GPM6A: variants seen among roughly 807,000 people sequenced by gnomAD.
GPM6A encodes the protein neuronal membrane glycoprotein M6-a.
In GPM6A, 7 loss-of-function variants were observed where a neutral mutation model predicts 32.1. The observed-to-expected ratio is 0.22, with a 90% CI of 0.12 to 0.41. The LOEUF (loss-of-function observed/expected upper bound fraction) is 0.41, where lower values mean the gene tolerates loss of function less well. Among genes scored for constraint, GPM6A ranks in the 10% least tolerant of loss-of-function variants. The probability of loss-of-function intolerance (pLI) is 1.00; values close to 1 mark genes in which losing one functional copy is unlikely to be tolerated. For missense variants in GPM6A, 235 were observed against 347.2 expected (o/e 0.68, Z 2.57); for synonymous variants, 130 against 123.4 (o/e 1.05, Z -0.35).
intron 1 of GPM6A, among the ~76,000 whole-genome samples, chr4:175,952,308 C>T (rs141666271): frequency 9.9e-5 from 15 of 152,246 alleles, no homozygotes; most frequent in Non-Finnish European, 1.5e-4. Context: ...AGGAGAAGTT[C>T]GTTTCTATGT....
intron 1 of GPM6A, among the ~76,000 whole-genome samples, chr4:175,767,446 C>A (rs1167311929): frequency 6.6e-6 from 1 of 152,146 alleles, no homozygotes; most frequent in Non-Finnish European, 1.5e-5. Context: ...ATTCAGAAAC[C>A]CCTGACTGGG....
chr4:175,942,776 T>G (rs1739455023), intron 1 of GPM6A, among the ~76,000 whole-genome samples: 1 of 152,238 alleles, frequency 6.6e-6, no homozygotes, highest in South Asian at 2.1e-4. Context: ...TTTTGGTTAC[T>G]GTAGCCTTGT....
chr4:176,002,373 G>A (rs1274592905), upstream of GPM6A: 18 of 1,562,646 alleles, frequency 1.2e-5, no homozygotes, highest in African/African-American at 4.1e-5. Flanking sequence ...ACGCTGCGCG[G>A]GGCCAAGTTC....
chr4:175,792,863 A>C (rs1481439845), intron 1 of GPM6A, among the ~76,000 whole-genome samples: 2 of 152,186 alleles, frequency 1.3e-5, no homozygotes, highest in African/African-American at 4.8e-5. Context: ...CATAAAACAA[A>C]TAATATAACA....
At chr4:175,881,345 C>A (rs1737269079) in intron 1 of GPM6A, among the ~76,000 whole-genome samples, 1 of 152,136 alleles carries the variant, frequency 6.6e-6, no homozygotes, top group African/African-American at 2.4e-5. Flanking sequence ...CAGGAAACAA[C>A]AGGTGCTAGA....
intron 1 of GPM6A, among the ~76,000 whole-genome samples, chr4:175,758,390 A>T (rs1340669483): frequency 6.6e-6 from 1 of 152,176 alleles, no homozygotes; most frequent in Non-Finnish European, 1.5e-5. Context: ...TAAGACATCA[A>T]TAAGGAATAG....
At chr4:175,743,864 A>G (rs1044122491) in intron 1 of GPM6A, among the ~76,000 whole-genome samples, 6 of 151,986 alleles carry the variant, frequency 3.9e-5, no homozygotes, top group Non-Finnish European at 7.4e-5. Context: ...AACATCAAGT[A>G]TATAATGTAA....
intron 1 of GPM6A, among the ~76,000 whole-genome samples, chr4:175,820,113 T>C (rs1333528646): frequency 6.6e-6 from 1 of 152,252 alleles, no homozygotes; most frequent in Admixed American, 6.5e-5. Flanking sequence ...TGGAGACTTT[T>C]ACTCAGTGGA....
intron 1 of GPM6A, among the ~76,000 whole-genome samples, chr4:175,755,363 C>T (rs1579463062): frequency 6.6e-6 from 1 of 152,182 alleles, no homozygotes; most frequent in East Asian, 1.9e-4. Flanking sequence ...ACAGAATTAA[C>T]ATTTTAAGGT....
At chr4:175,707,814 C>T (rs888011103) in intron 1 of GPM6A, among the ~76,000 whole-genome samples, 11 of 151,942 alleles carry the variant, frequency 7.2e-5, no homozygotes, top group East Asian at 1.9e-4. Flanking sequence ...TTGATGCTTG[C>T]GGTTGTTTTA....
intron 1 of GPM6A, among the ~76,000 whole-genome samples, chr4:175,720,792 T>C (rs948732877): frequency 2.6e-5 from 4 of 152,060 alleles, no homozygotes; most frequent in African/African-American, 7.2e-5. Flanking sequence ...GAAAAATATA[T>C]ACTGAATTCA....
chr4:176,000,151 C>T (rs1741431732), intron 1 of GPM6A, among the ~76,000 whole-genome samples: 1 of 152,166 alleles, frequency 6.6e-6, no homozygotes, highest in Non-Finnish European at 1.5e-5. Context: ...TCACTTGCTT[C>T]CTCTACTTCC....
chr4:175,780,744 G>A (rs1450020866), intron 1 of GPM6A, among the ~76,000 whole-genome samples: 1 of 152,126 alleles, frequency 6.6e-6, no homozygotes, highest in Non-Finnish European at 1.5e-5. Context: ...GGACACTACA[G>A]TGCTTTAGAG....
At chr4:175,760,820 T>C (rs776299536) in intron 1 of GPM6A, among the ~76,000 whole-genome samples, 60 of 151,916 alleles carry the variant, frequency 3.9e-4, no homozygotes, top group Non-Finnish European at 7.4e-5. Context: ...ATAGGACTCT[T>C]AGAATGAGAA....
chr4:175,705,977 T>C (rs913524531), intron 1 of GPM6A, among the ~76,000 whole-genome samples: 18 of 152,150 alleles, frequency 1.2e-4, no homozygotes, highest in African/African-American at 4.1e-4. Flanking sequence ...TCACTACCTA[T>C]ATACACAAAG....
intron 1 of GPM6A, among the ~76,000 whole-genome samples, chr4:175,873,253 A>T (rs936084406): frequency 6.6e-6 from 1 of 152,108 alleles, no homozygotes; most frequent in Non-Finnish European, 1.5e-5. Context: ...TATTACATTA[A>T]GTACTTTGTC....
At chr4:175,816,609 C>T (rs960219871), upstream of GPM6A, among the ~76,000 whole-genome samples, 62 of 152,064 alleles carry the variant, frequency 4.1e-4, no homozygotes, top group Non-Finnish European at 1.5e-4. Context: ...GGTCAGAGAA[C>T]AGAGAGGAGA....
intron 2 of GPM6A, among the ~76,000 whole-genome samples, chr4:175,692,296 C>A (rs929461528): frequency 4.6e-5 from 7 of 151,944 alleles, no homozygotes. Flanking sequence ...AAATGGTGTC[C>A]AGAAAGTTTG....
At chr4:175,956,406 C>T (rs72704554) in intron 1 of GPM6A, among the ~76,000 whole-genome samples, 2,998 of 152,194 alleles carry the variant, frequency 0.02, 54 homozygotes, top group African/African-American at 0.042. Flanking sequence ...TTCATTTGCT[C>T]GAATTCATAT....
Sources: allele counts gnomAD v4.1 joint callset (sites outside exome capture counted in the v4.1 genomes callset), GRCh38; gene constraint gnomAD v4.1.1; transcripts MANE v1.5; gene names NCBI Gene and HGNC (gene_info 2026-07-23, HGNC 2026-07-21).